Variants in APP observed in about 807,000 individuals in gnomAD.
The protein encoded by APP is amyloid beta precursor protein.
A neutral mutation model predicts 101.4 loss-of-function variants in APP; 31 were observed. The ratio of observed to expected loss-of-function variants is 0.31; its 90% CI spans 0.23 to 0.41. The LOEUF (loss-of-function observed/expected upper bound fraction) is 0.41, where lower values mean the gene tolerates loss of function less well. Ranked by LOEUF, APP falls within the 10% of genes least tolerant of loss-of-function variation. The probability of loss-of-function intolerance (pLI) is 1.00; values close to 1 mark genes in which losing one functional copy is unlikely to be tolerated. For synonymous variants in APP, 366 were observed against 364.4 expected (o/e 1.00, Z -0.05); for missense variants, 839 against 1,003.7 (o/e 0.84, Z 2.22).
intron 1 of APP, among the ~76,000 whole-genome samples, chr21:26,156,283 C>A (rs1396457903): frequency 6.6e-6 from 1 of 152,012 alleles, no homozygotes; most frequent in Non-Finnish European, 1.5e-5. Context: ...TAACTAGGAA[C>A]GTTGCAACTA....
intron 2 of APP, among the ~76,000 whole-genome samples, chr21:26,101,606 G>A (rs1292699858): frequency 1.3e-5 from 2 of 152,094 alleles, no homozygotes; most frequent in Non-Finnish European, 1.5e-5. Context: ...CCTTAATACA[G>A]CACCTCAGGA....
intron 8 of APP, among the ~76,000 whole-genome samples, chr21:25,989,893 C>T (rs2146633415): frequency 6.7e-6 from 1 of 150,242 alleles, no homozygotes; most frequent in African/African-American, 2.5e-5. Flanking sequence ...GAGTGCCATG[C>T]TTATTATAAC....
intron 6 of APP, among the ~76,000 whole-genome samples, chr21:26,014,432 C>G (rs1345889084): frequency 6.6e-6 from 1 of 152,318 alleles, no homozygotes; most frequent in South Asian, 2.1e-4. Flanking sequence ...TGCATTCATT[C>G]TATTTGGTGC....
intron 2 of APP, among the ~76,000 whole-genome samples, chr21:26,109,810 T>C (rs1028488724): frequency 1.1e-4 from 16 of 152,180 alleles, no homozygotes; most frequent in African/African-American, 3.9e-4. Context: ...ATGCAAACTA[T>C]GACACATGTA....
chr21:25,883,131 A>C (rs548775328), intron 17 of APP, among the ~76,000 whole-genome samples: 14 of 152,194 alleles, frequency 9.2e-5, no homozygotes, highest in Non-Finnish European at 1.5e-4. Context: ...GGCCGGGTGC[A>C]GTGGCTCACT....
At chr21:25,945,247 C>A (rs1271153861) in intron 13 of APP, among the ~76,000 whole-genome samples, 1 of 152,072 alleles carries the variant, frequency 6.6e-6, no homozygotes, top group Non-Finnish European at 1.5e-5. Context: ...TACTAACGTT[C>A]CTGAATGGGG....
At chr21:26,150,322 C>A (rs753507440) in intron 1 of APP, among the ~76,000 whole-genome samples, 1 of 152,068 alleles carries the variant, frequency 6.6e-6, no homozygotes, top group Non-Finnish European at 1.5e-5. Context: ...GGCGATGGTG[C>A]CACCTCTAGT....
chr21:26,007,738 C>T (rs919591602), intron 6 of APP, among the ~76,000 whole-genome samples: 1 of 151,900 alleles, frequency 6.6e-6, no homozygotes, highest in Admixed American at 6.6e-5. Flanking sequence ...CAATAGAAAA[C>T]TGGTTATTTT....
intron 3 of APP, among the ~76,000 whole-genome samples, chr21:26,066,820 C>T (rs1463946090): frequency 6.6e-6 from 1 of 152,048 alleles, no homozygotes; most frequent in African/African-American, 2.4e-5. Context: ...AGAAAGAGTT[C>T]TAGATTTGAA....
intron 11 of APP, among the ~76,000 whole-genome samples, chr21:25,963,504 A>C (rs1431317454): frequency 6.6e-6 from 1 of 152,084 alleles, no homozygotes; most frequent in African/African-American, 2.4e-5. Context: ...AATCACCCCA[A>C]CCTTTCCAGG....
intron 3 of APP, chr21:26,067,995 A>T (rs903555793): frequency 8.5e-5 from 13 of 152,274 alleles, no homozygotes; most frequent in Middle Eastern, 3.4e-3. Flanking sequence ...GGGGCTTTTT[A>T]AAAACCACAT....
intron 3 of APP, among the ~76,000 whole-genome samples, chr21:26,058,950 G>A (rs1458431574): frequency 2.0e-5 from 3 of 151,728 alleles, no homozygotes; most frequent in Non-Finnish European, 4.4e-5. Flanking sequence ...GCGTGGTAGC[G>A]GGCGCCTGTA....
chr21:26,153,080 G>A (rs551729322), intron 1 of APP, among the ~76,000 whole-genome samples: 1 of 152,146 alleles, frequency 6.6e-6, no homozygotes, highest in East Asian at 1.9e-4. Flanking sequence ...TCTTATAAGT[G>A]GGAACTAAGT....
intron 3 of APP, among the ~76,000 whole-genome samples, chr21:26,070,008 C>T (rs566966311): frequency 1.3e-5 from 2 of 152,302 alleles, no homozygotes; most frequent in South Asian, 4.1e-4. Context: ...GTTCACAAAG[C>T]TCTGTTAGAG....
At chr21:26,108,703 T>C (rs1244477603) in intron 2 of APP, among the ~76,000 whole-genome samples, 1 of 151,960 alleles carries the variant, frequency 6.6e-6, no homozygotes, top group Non-Finnish European at 1.5e-5. Flanking sequence ...CTGGCCAACA[T>C]GGTGAAACCC....
At chr21:26,127,902 G>C (rs1488547413) in intron 1 of APP, among the ~76,000 whole-genome samples, 1 of 152,178 alleles carries the variant, frequency 6.6e-6, no homozygotes, top group Non-Finnish European at 1.5e-5. Flanking sequence ...AAATGAGCAC[G>C]TTCGTAAGAC....
At chr21:25,913,043 T>C (rs751784773) in intron 13 of APP, among the ~76,000 whole-genome samples, 2 of 152,226 alleles carry the variant, frequency 1.3e-5, no homozygotes, top group Non-Finnish European at 2.9e-5. Context: ...GTAGTATATA[T>C]TTCAGACACA....
intron 2 of APP, among the ~76,000 whole-genome samples, chr21:26,096,700 G>A (rs767653885): frequency 3.3e-5 from 5 of 152,218 alleles, no homozygotes; most frequent in South Asian, 2.1e-4. Flanking sequence ...CAGCTTAAGC[G>A]AGGAGGTCGA....
chr21:25,995,089 T>G (rs1244044360), intron 8 of APP, among the ~76,000 whole-genome samples: 1 of 144,592 alleles, frequency 6.9e-6, no homozygotes, highest in Non-Finnish European at 1.5e-5. Context: ...AAAAGAGACT[T>G]TCAGTATCTG....
Sources: gnomAD v4.1 joint callset for allele counts (sites outside exome capture counted in the v4.1 genomes callset) on GRCh38, gnomAD v4.1.1 for gene constraint, MANE v1.5 for transcripts, NCBI Gene and HGNC (gene_info 2026-07-23, HGNC 2026-07-21) for gene names.